Variants in BCL2A1 observed in about 807,000 individuals in gnomAD.
BCL2A1 encodes the protein BCL2 related protein A1.
In BCL2A1, 10 loss-of-function variants were observed where a neutral mutation model predicts 14.4. The ratio of observed to expected loss-of-function variants is 0.69; its 90% CI spans 0.43 to 1.18. The LOEUF (loss-of-function observed/expected upper bound fraction) is 1.18, where lower values mean the gene tolerates loss of function less well. BCL2A1 is among the 50% of genes most tolerant of loss of function. BCL2A1 has a pLI of 0.00. For synonymous variants in BCL2A1, 71 were observed against 76.5 expected (o/e 0.93, Z 0.38); for missense variants, 158 against 205.0 (o/e 0.77, Z 1.40).
intron 1 of BCL2A1, among the ~76,000 whole-genome samples, chr15:79,968,377 C>T (rs1008966658): frequency 2.6e-5 from 4 of 152,098 alleles, no homozygotes; most frequent in Non-Finnish European, 4.4e-5. Context: ...CACAGCCAAC[C>T]GGAAGAAAAC....
At chr15:79,964,801 G>A (rs1057322609) in intron 1 of BCL2A1, among the ~76,000 whole-genome samples, 8 of 152,208 alleles carry the variant, frequency 5.3e-5, no homozygotes, top group South Asian at 2.1e-4. Context: ...GGGTGATCAA[G>A]GAAGACTTCT....
rs762684416 is a variant in BCL2A1, at chr15:79,961,012, T to C, written c.*55A>G. On this transcript the variant is annotated 3_prime_UTR_variant, in exon 2 of 2. Transcript: ENST00000267953. ...GTAGAAGTATGTGTTGGCAATCGTTTCCATATCAGTCAGAAAAATTAGGCC... is the reference window on the plus strand; with the variant it reads ...GTAGAAGTATGTGTTGGCAATCGTTCCCATATCAGTCAGAAAAATTAGGCC... 3.1e-6 allele frequency: 5 copies of C among 1,606,122 alleles called. No homozygotes were observed. The highest frequency in any genetic ancestry group is 4.3e-6 in the Non-Finnish European group (5 of 1,173,564).
At chr15:79,967,013 G>A (rs1450272626) in intron 1 of BCL2A1, among the ~76,000 whole-genome samples, 1 of 152,074 alleles carries the variant, frequency 6.6e-6, no homozygotes, top group Non-Finnish European at 1.5e-5. Flanking sequence ...CAAGTGCTTT[G>A]CATATATTAA....
At chr15:79,967,378 T>C (rs540368528) in intron 1 of BCL2A1, among the ~76,000 whole-genome samples, 1 of 152,076 alleles carries the variant, frequency 6.6e-6, no homozygotes, top group South Asian at 2.1e-4. Context: ...CACCAGGCCC[T>C]GCTAATTTTG....
intron 1 of BCL2A1, among the ~76,000 whole-genome samples, chr15:79,965,935 T>C (rs1421139509): frequency 6.6e-6 from 1 of 151,432 alleles, no homozygotes; most frequent in Non-Finnish European, 1.5e-5. Flanking sequence ...GACCGGACTA[T>C]TATTTAGAGT....
Position 79,970,905 on chromosome 15 carries a change from T to G in BCL2A1, c.215A>C (p.Asn72Thr), listed in dbSNP as rs767142493. 2 of 1,614,234 alleles carry G rather than the reference T, an allele frequency of 1.2e-6. No individual in the cohort carries two copies. The highest frequency in any genetic ancestry group is 3.3e-5 in the Admixed American group (2 of 60,030). Residue 72 changes from asparagine (N) to threonine (T), a missense_variant, in exon 1 of 2, where the codon AAC becomes ACC. Coordinates refer to ENST00000267953, the MANE Select transcript of BCL2A1 (RefSeq NM_004049.4). ...TTCAAACTCCTTTTCCATCACTTGG[T>G]TGAATAGTGTTCTGGCAGTGTCTAC... is the stretch of plus-strand genomic sequence containing the variant. The part of the protein sequence containing the change: ...VSVDTARTLF[N>T]QVMEKEFEDG...
chr15:79,963,070 C>A (rs1010625983), intron 1 of BCL2A1, among the ~76,000 whole-genome samples: 4 of 152,264 alleles, frequency 2.6e-5, no homozygotes, highest in African/African-American at 9.6e-5. Flanking sequence ...CAACCTCTGC[C>A]TCCTGTGTTC....
intron 1 of BCL2A1, chr15:79,967,525 T>G: frequency 8.3e-7 from 1 of 1,198,192 alleles, no homozygotes; most frequent in Non-Finnish European, 1.2e-6. Flanking sequence ...ACATACCGCA[T>G]TGTTGATTCA....
chr15:79,962,435 C>T (rs543965378), intron 1 of BCL2A1, among the ~76,000 whole-genome samples: 1 of 152,270 alleles, frequency 6.6e-6, no homozygotes, highest in African/African-American at 2.4e-5. Context: ...TCCCTCCTGC[C>T]AGTACATACT....
At chr15:79,964,211 A>T (rs181488030) in intron 1 of BCL2A1, among the ~76,000 whole-genome samples, 1 of 152,346 alleles carries the variant, frequency 6.6e-6, no homozygotes, top group African/African-American at 2.4e-5. Context: ...GAATGGTGAT[A>T]GTTTGTTAAA....
chr15:79,962,367 A>T (rs2035497683), intron 1 of BCL2A1, among the ~76,000 whole-genome samples: 1 of 152,126 alleles, frequency 6.6e-6, no homozygotes, highest in South Asian at 2.1e-4. Flanking sequence ...TCGTGCTCTG[A>T]GACATGCTGT....
At chr15:79,961,217 T>A (rs1360534626) in intron 1 of BCL2A1, 43 bp from the exon 2 acceptor site, 3 of 1,571,882 alleles carry the variant, frequency 1.9e-6, no homozygotes, top group Admixed American at 1.7e-5. Flanking sequence ...CATTGGAGAT[T>A]AAGTATGCTG....
At chr15:79,970,616 TTTG>T (rs2035583430) in intron 1 of BCL2A1, 81 bp downstream of exon 1, 10 of 1,361,716 alleles carry the variant, frequency 7.3e-6, no homozygotes, top group African/African-American at 2.9e-5. Context: ...GGTAAAGTGT[TTTG>T]TTGTTGTTTT....
intron 1 of BCL2A1, chr15:79,967,635 A>G (rs2035554788): frequency 1.3e-6 from 2 of 1,597,020 alleles, no homozygotes; most frequent in Non-Finnish European, 1.7e-6. Context: ...CTCTACTCTT[A>G]CCTCTTCTTG....
chr15:79,969,280 T>G (rs1015378519), intron 1 of BCL2A1, among the ~76,000 whole-genome samples: 2 of 152,192 alleles, frequency 1.3e-5, no homozygotes, highest in African/African-American at 4.8e-5. Flanking sequence ...GGAGTGTAAC[T>G]TGGTAGAGCC....
intron 1 of BCL2A1, among the ~76,000 whole-genome samples, chr15:79,969,454 C>T (rs2035574358): frequency 6.6e-6 from 1 of 152,128 alleles, no homozygotes; most frequent in South Asian, 2.1e-4. Context: ...CTCGAAATAA[C>T]CTAAACAGCT....
At chr15:79,968,530 G>A (rs67760360) in intron 1 of BCL2A1, among the ~76,000 whole-genome samples, 31,063 of 152,160 alleles carry the variant, frequency 0.2, 3,562 homozygotes, top group South Asian at 0.34. Context: ...AAATGAAAAA[G>A]GCATCAAGTA....
Position 79,971,024 on chromosome 15 carries a change from T to G in BCL2A1, c.96A>C (p.Lys32Asn). 6.2e-7 allele frequency: 1 copy of G among 1,614,234 alleles called. No homozygotes were observed. Among genetic ancestry groups the G allele is most frequent in the Non-Finnish European group, 8.5e-7 (1 of 1,180,036 alleles). The change falls in exon 1 of 2, where the codon AAA (lysine) becomes AAC (asparagine). Residue 32 changes from lysine (K) to asparagine (N), a missense_variant. Physicochemically the swap from Lys to Asn is moderately conservative, Grantham distance 94. Coordinates refer to ENST00000267953, the MANE Select transcript of BCL2A1 (RefSeq NM_004049.4). ...CAACATTTTGTAGCACTCTGGACGT[T>G]TTGCTTGGACCTGATCCAGGTTGTG... ...QIPQPGSGPS[K>N]TSRVLQNVAF...
chr15:79,970,802 C>T lies in BCL2A1; in HGVS notation c.318G>A (p.Gln106=). Residue 106 remains glutamine, a synonymous_variant, in exon 1 of 2, where the codon CAG becomes CAA. Transcript: ENST00000267953. ...AGGTATCCACATCCGGGGCAATTTG[C>T]TGTCGTAGAAGTTTCTTGATGAGAA... ...EGILIKKLLR[Q]QIAPDVDTYK... is the part of the protein sequence containing the mutation. The T allele has an allele frequency of 2.5e-6, 4 of 1,614,194 alleles. No individual in the cohort carries two copies. The highest frequency in any genetic ancestry group is 3.4e-6 in the Non-Finnish European group (4 of 1,180,032).
Sources: allele counts gnomAD v4.1 joint callset (sites outside exome capture counted in the v4.1 genomes callset), GRCh38; gene constraint gnomAD v4.1.1; transcripts MANE v1.5; gene names NCBI Gene and HGNC (gene_info 2026-07-23, HGNC 2026-07-21).